PXN: variants seen among roughly 807,000 people sequenced by gnomAD.
PXN encodes the protein paxillin.
PXN carries 61 observed loss-of-function variants against 103.6 expected under a neutral mutation model. The ratio of observed to expected loss-of-function variants is 0.59; its 90% confidence interval spans 0.48 to 0.73. The LOEUF (loss-of-function observed/expected upper bound fraction) is 0.73, where lower values mean the gene tolerates loss of function less well. PXN is among the 30% of genes least tolerant of loss of function. The pLI is 0.00. For synonymous variants in PXN, 562 were observed against 607.8 expected, an observed-to-expected ratio of 0.92 and a Z score of 1.11; for missense variants, 1,274 against 1,460.3, an observed-to-expected ratio of 0.87 and a Z score of 2.08.
At chr12:120,259,799 C>A (rs1191279021) in intron 1 of PXN, among the ~76,000 whole-genome samples, 3 of 152,320 alleles carry the variant, frequency 2.0e-5, no homozygotes, top group Non-Finnish European at 2.9e-5. Context: ...AGGGCCCATC[C>A]CAGGTGAGGA....
chr12:120,242,341 C>G (rs750604026), intron 1 of PXN, among the ~76,000 whole-genome samples: 13 of 152,150 alleles, frequency 8.5e-5, no homozygotes, highest in Non-Finnish European at 1.6e-4. Flanking sequence ...CCCATCTGCA[C>G]GAGTCTGCCT....
At chr12:120,246,716 A>T (rs1454689860) in intron 1 of PXN, among the ~76,000 whole-genome samples, 2 of 151,238 alleles carry the variant, frequency 1.3e-5, no homozygotes, top group African/African-American at 2.4e-5. Context: ...TTAGCTAGGC[A>T]TGGTGGTGCG....
chr12:120,244,113 C>A (rs951189500), intron 1 of PXN, among the ~76,000 whole-genome samples: 8 of 150,472 alleles, frequency 5.3e-5, no homozygotes, highest in African/African-American at 2.0e-4. Context: ...AACACAGGAG[C>A]ACAGGGCCCA....
At position 120,210,806 on chromosome 12, in the gene PXN, C is replaced by T. The variant is rs1879989191; in HGVS notation, c.*1508G>A. 6.6e-6 allele frequency: 1 copy of T among 152,650 alleles called. No individual in the cohort carries two copies. Among genetic ancestry groups the T allele is most frequent in the Non-Finnish European group, 1.5e-5 (1 of 68,110 alleles). 9.5% of individuals were successfully genotyped at this position (152,650 alleles called of 1,614,324 possible). On this transcript the variant is annotated 3_prime_UTR_variant, in exon 15 of 15. Transcript: ENST00000637617. ...TAGACCCCGGTGGGGCCCCTTTCTC[C>T]TCATCAGGAGCCCAAGGCCTGGCTC...
In PXN at chr12:120,222,560, C is replaced by A; in HGVS notation, c.684G>T (p.Val228=). 1 of 1,599,566 alleles carries A rather than the reference C, an allele frequency of 6.3e-7. No homozygotes were observed. The highest frequency in any genetic ancestry group is 8.5e-7 in the Non-Finnish European group (1 of 1,173,742). The change falls in exon 5 of 15, where the codon GTG becomes GTT. Residue 228 remains valine (V), a synonymous_variant. Coordinates refer to ENST00000637617, the MANE Select transcript of PXN (RefSeq NM_001385981.1). The surrounding 1 kb of genome is among the most constrained non-coding windows in gnomAD (Gnocchi z 4.7). Reference sequence around the variant, plus strand: ...CAGTGGGTACTCACACGGGGCTGGGCACGGAGCTCTCCAGTTCATCCAAGA... The same window carrying A: ...CAGTGGGTACTCACACGGGGCTGGGAACGGAGCTCTCCAGTTCATCCAAGA... The part of the protein sequence containing the change: ...ESLLDELESS[V]PSPVPAITVN...
In PXN at chr12:120,221,709, T is replaced by C; in HGVS notation, c.745A>G (p.Thr249Ala). 6.4e-7 allele frequency: 1 copy of C among 1,570,932 alleles called. No homozygotes were observed. Among genetic ancestry groups the C allele is most frequent in the Non-Finnish European group, 8.6e-7 (1 of 1,158,584 alleles). The change falls in exon 6 of 15, where the codon ACC becomes GCC. Residue 249 changes from threonine (T) to alanine (A), a missense_variant. Around this residue, in one of 2 missense-constraint regions of PXN, gnomAD observed 1,178 missense variants for 1,309.0 expected, o/e 0.90. Coordinates refer to ENST00000637617, the MANE Select transcript of PXN (RefSeq NM_001385981.1). This position sits in a 1 kb window ranked among gnomAD's most constrained non-coding sequence, Gnocchi z 6.6. ...QGEMSSPQRVTSTQQQTRISA... is the reference protein window; with the variant it reads ...QGEMSSPQRVASTQQQTRISA... ...ATGCGTGTCTGCTGTTGGGTGGAGGTGACGCGCTGCGGGCTGCTCATCTCG... is the reference window on the plus strand; with the variant it reads ...ATGCGTGTCTGCTGTTGGGTGGAGGCGACGCGCTGCGGGCTGCTCATCTCG...
rs749155386 is a variant in PXN at position 120,214,091 on chromosome 12, G to A, written c.2830+45C>T. ...AGCGTCTCCCACCCCCACCTCCCCGGCCCTCCTAAGAGGCGGTGGGTCAGT... is the reference window on the plus strand; with the variant it reads ...AGCGTCTCCCACCCCCACCTCCCCGACCCTCCTAAGAGGCGGTGGGTCAGT... On this transcript the variant is annotated intron_variant, in intron 13 of 14. Transcript: ENST00000637617. This position sits in a 1 kb window ranked among gnomAD's most constrained non-coding sequence, Gnocchi z 5.0. The A allele has an allele frequency of 1.9e-6, 3 of 1,557,560 alleles. No individual in the cohort carries two copies. The highest frequency in any genetic ancestry group is 2.6e-6 in the Non-Finnish European group (3 of 1,150,872).
At position 120,228,036 on chromosome 12, in the gene PXN, C is replaced by T. The variant is rs1289938977; in HGVS notation, c.14-3659G>A. ...GCTCTAAATATTCCTGCTCCTCATA[C>T]CCCAAAGAAGGTGTCAGGCTATCCA... On this transcript the variant is annotated intron_variant, in intron 1 of 14. Coordinates refer to ENST00000637617, the MANE Select transcript of PXN (RefSeq NM_001385981.1). This position sits in a 1 kb window ranked among gnomAD's most constrained non-coding sequence, Gnocchi z 4.7. Among the ~76,000 whole-genome samples, 3 of 152,178 alleles carry T rather than the reference C, an allele frequency of 2.0e-5. No homozygotes were observed. The highest frequency in any genetic ancestry group is 4.4e-5 in the Non-Finnish European group (3 of 68,038).
chr12:120,232,229 C>T (rs116808020), intron 1 of PXN, among the ~76,000 whole-genome samples: 6,461 of 152,290 alleles, frequency 0.042, 470 homozygotes, highest in African/African-American at 0.14. Flanking sequence ...CTATGTTGCC[C>T]AAGCTGGTCT....
At chr12:120,234,278 G>A (rs1888616442) in intron 1 of PXN, among the ~76,000 whole-genome samples, 1 of 152,010 alleles carries the variant, frequency 6.6e-6, no homozygotes, top group Non-Finnish European at 1.5e-5. Context: ...GCATGGTGGT[G>A]CATGCCTGTA....
At position 120,220,310 on chromosome 12, in the gene PXN, ACCAAGCC is replaced by A. The variant is rs1171733064; in HGVS notation, c.832-226_832-220del. 6.6e-6 allele frequency among the ~76,000 whole-genome samples: 1 copy of A among 152,102 alleles called. No homozygotes were observed. The highest frequency in any genetic ancestry group is 1.5e-5 in the Non-Finnish European group (1 of 68,004). On this transcript the variant is annotated intron_variant, in intron 6 of 14. Transcript: ENST00000637617. The surrounding 1 kb of genome is among the most constrained non-coding windows in gnomAD (Gnocchi z 6.1). Reference sequence around the variant, plus strand: ...CAAACCCAAGCAAGAGAAAGCAGCCACCAAGCCGTGCCTGTGGAGCCACCCAGGGAGG... The same window carrying A: ...CAAACCCAAGCAAGAGAAAGCAGCCAGTGCCTGTGGAGCCACCCAGGGAGG...
rs764265687 is a variant in PXN at position 120,224,323 on chromosome 12, A to G, written c.68T>C (p.Val23Ala). 1.2e-6 allele frequency: 2 copies of G among 1,613,994 alleles called. No individual in the cohort carries two copies. Among genetic ancestry groups the G allele is most frequent in the South Asian group, 2.2e-5 (2 of 91,080 alleles). Residue 23 changes from valine to alanine, a missense_variant, in exon 2 of 15, where the codon GTG (valine) becomes GCG (alanine). Val to Ala is a moderately conservative substitution (Grantham distance 64). Around this residue, in one of 2 missense-constraint regions of PXN, gnomAD observed 1,178 missense variants for 1,309.0 expected, o/e 0.90. Transcript: ENST00000637617. This position sits in a 1 kb window ranked among gnomAD's most constrained non-coding sequence, Gnocchi z 5.0. ...GTAGGGGGTCTCCTCCGACAAGAAC[A>G]CAGGCCGTTTGGAGATGTGGGAGGT... Reference protein sequence around the residue: ...STTSHISKRPVFLSEETPYSY... With the variant: ...STTSHISKRPAFLSEETPYSY...
In PXN at chr12:120,212,136, C is replaced by A; in HGVS notation, c.*178G>T. ...GGAGGAGGGGGCCCAGAGGCTCTGG[C>A]AGGGGTGAAGACAAGCAGGGGGACC... On this transcript the variant is annotated 3_prime_UTR_variant, in exon 15 of 15. Coordinates refer to ENST00000637617, the MANE Select transcript of PXN (RefSeq NM_001385981.1). The surrounding 1 kb of genome is among the most constrained non-coding windows in gnomAD (Gnocchi z 7.2). 1 of 939,934 alleles carries A rather than the reference C, an allele frequency of 1.1e-6. No homozygotes were observed. Among genetic ancestry groups the A allele is most frequent in the South Asian group, 1.4e-5 (1 of 73,106 alleles). The allele number at this position is 939,934 out of a possible 1,614,324, so 58.2% of individuals were successfully genotyped here. A position where few individuals can be genotyped will look rare whatever the true frequency, so the allele number is the denominator to read the frequency against.
At position 120,217,907 on chromosome 12, in the gene PXN, C is replaced by A. The variant is rs1883749485; in HGVS notation, c.1717-791G>T. Among the ~76,000 whole-genome samples, 1 of 148,736 alleles carries A rather than the reference C, an allele frequency of 6.7e-6. No individual in the cohort carries two copies. Among genetic ancestry groups the A allele is most frequent in the South Asian group, 2.2e-4 (1 of 4,636 alleles). ...GCCACCGTGCTCAGCTAGCCAGGAACTTTTTTAACTAGTTTTTTTTTTCTT... is the reference window on the plus strand; with the variant it reads ...GCCACCGTGCTCAGCTAGCCAGGAAATTTTTTAACTAGTTTTTTTTTTCTT... On this transcript the variant is annotated intron_variant, in intron 7 of 14. Coordinates refer to ENST00000637617, the MANE Select transcript of PXN (RefSeq NM_001385981.1). The surrounding 1 kb of genome is among the most constrained non-coding windows in gnomAD (Gnocchi z 4.1).
chr12:120,218,086 C>T (rs898385748), intron 7 of PXN, among the ~76,000 whole-genome samples: 1 of 132,944 alleles, frequency 7.5e-6, no homozygotes, highest in African/African-American at 2.9e-5. Context: ...TGATCTGTTG[C>T]TCAGGCTGAA....
chr12:120,249,785 G>T, intron 1 of PXN: 1 of 878,828 alleles, frequency 1.1e-6, no homozygotes, highest in Non-Finnish European at 1.4e-6. Context: ...GAAGGGGGAG[G>T]AGTTCTTGGA....
rs1169849984 is a variant in PXN at position 120,212,730 on chromosome 12, T to C, written c.2980-150A>G. On this transcript the variant is annotated intron_variant, in intron 14 of 14. Transcript: ENST00000637617. This position sits in a 1 kb window ranked among gnomAD's most constrained non-coding sequence, Gnocchi z 7.2. ...TGTGCCGTGTTGTCCTAAACGCTCA[T>C]TTTTCATTTTTATTTTATTAAATAA... is the stretch of plus-strand genomic sequence containing the variant. 1.3e-6 allele frequency: 1 copy of C among 799,030 alleles called. No individual in the cohort carries two copies. The highest frequency in any genetic ancestry group is 1.8e-5 in the African/African-American group (1 of 56,488). The allele number at this position is 799,030 out of a possible 1,614,324, so 49.5% of individuals were successfully genotyped here.
rs1249566328 is a variant in PXN at position 120,212,434 on chromosome 12, C to A, written c.3126G>T (p.Lys1042Asn). ...ITGRCITAMAKKFHPEHFVCA... is the reference protein window; with the variant it reads ...ITGRCITAMANKFHPEHFVCA... ...AGACGAAGTGCTCGGGGTGGAACTT[C>A]TTGGCCATGGCGGTGATGCAGCGGC... Residue 1042 changes from lysine (K) to asparagine (N), a missense_variant, in exon 15 of 15, where the codon AAG (lysine) becomes AAT (asparagine). By Grantham distance (94) the Lys-to-Asn change is moderately conservative (BLOSUM62 0). Coordinates refer to ENST00000637617, the MANE Select transcript of PXN (RefSeq NM_001385981.1). The surrounding 1 kb of genome is among the most constrained non-coding windows in gnomAD (Gnocchi z 7.2). The A allele has an allele frequency of 6.2e-7, 1 of 1,614,036 alleles. No individual in the cohort carries two copies. The highest frequency in any genetic ancestry group is 2.2e-5 in the East Asian group (1 of 44,878).
intron 1 of PXN, among the ~76,000 whole-genome samples, chr12:120,233,400 G>A (rs937891381): frequency 3.3e-5 from 5 of 152,058 alleles, no homozygotes; most frequent in African/African-American, 4.8e-5. Flanking sequence ...TCCACCTCCC[G>A]GGTTCAAATG....
Sources: gnomAD v4.1 joint callset for allele counts (sites outside exome capture counted in the v4.1 genomes callset) on GRCh38, gnomAD v4.1.1 for gene constraint, gnomAD v4.1.1 regional missense constraint, Gnocchi (gnomAD v3.1) non-coding constraint, MANE v1.5 for transcripts, NCBI Gene and HGNC (gene_info 2026-07-23, HGNC 2026-07-21) for gene names.